The following UNC5C variants were observed in gnomAD, a reference collection of about 807,000 sequenced individuals.
UNC5C encodes netrin receptor UNC5C.
A neutral mutation model predicts 99.8 loss-of-function variants in UNC5C; 47 were observed. That is an observed-to-expected ratio of 0.47 (90% CI 0.37 to 0.60). UNC5C has a LOEUF of 0.60. Among genes scored for constraint, UNC5C ranks in the 20% least tolerant of loss-of-function variants. UNC5C has a pLI of 0.00. For synonymous variants in UNC5C, 487 were observed against 452.2 expected (o/e 1.08, Z -0.98); for missense variants, 1,062 against 1,165.9 (o/e 0.91, Z 1.30).
intron 1 of UNC5C, among the ~76,000 whole-genome samples, chr4:95,424,430 A>G (rs1353593167): frequency 1.3e-5 from 2 of 151,104 alleles, no homozygotes; most frequent in Admixed American, 6.6e-5. Context: ...GAAGTGCTCA[A>G]TTCTCTCAGC....
chr4:95,298,216 G>A (rs1560775372), intron 3 of UNC5C, among the ~76,000 whole-genome samples: 1 of 152,174 alleles, frequency 6.6e-6, no homozygotes, highest in Non-Finnish European at 1.5e-5. Flanking sequence ...GGAGGCTGGG[G>A]TGGTAGAATC....
chr4:95,484,483 TG>T (rs1721268918), intron 1 of UNC5C, among the ~76,000 whole-genome samples: 1 of 150,710 alleles, frequency 6.6e-6, no homozygotes, highest in Non-Finnish European at 1.5e-5. Context: ...TGACTGGTGT[TG>T]GGTGACAACC....
chr4:95,231,169 T>TAC (rs1219209553), intron 7 of UNC5C, among the ~76,000 whole-genome samples: 1 of 152,150 alleles, frequency 6.6e-6, no homozygotes, highest in Non-Finnish European at 1.5e-5. Context: ...ACCTTGTCTT[T>TAC]ACATTAGTAT....
At chr4:95,241,620 T>G (rs1739332972) in intron 7 of UNC5C, among the ~76,000 whole-genome samples, 1 of 152,184 alleles carries the variant, frequency 6.6e-6, no homozygotes, top group South Asian at 2.1e-4. Context: ...TTTTGATCCA[T>G]TAATCTGAAT....
intron 1 of UNC5C, among the ~76,000 whole-genome samples, chr4:95,363,445 A>C (rs1193049771): frequency 1.3e-5 from 2 of 152,218 alleles, no homozygotes; most frequent in East Asian, 3.8e-4. Flanking sequence ...CGTTTACAAC[A>C]GCATACTTTC....
intron 2 of UNC5C, among the ~76,000 whole-genome samples, chr4:95,328,733 T>G (rs1743000316): frequency 6.6e-6 from 1 of 151,316 alleles, no homozygotes; most frequent in Non-Finnish European, 1.5e-5. Flanking sequence ...ACCTGTTGTT[T>G]CCTGACTTTT....
chr4:95,220,700 G>A (rs953032297), intron 7 of UNC5C, among the ~76,000 whole-genome samples: 1 of 152,144 alleles, frequency 6.6e-6, no homozygotes, highest in Non-Finnish European at 1.5e-5. Context: ...AGAGGTGGGT[G>A]GGAATGGTGT....
intron 12 of UNC5C, among the ~76,000 whole-genome samples, chr4:95,198,859 T>C (rs1312218698): frequency 2.0e-5 from 3 of 152,194 alleles, no homozygotes; most frequent in Non-Finnish European, 4.4e-5. Context: ...TAGGAAAGTT[T>C]GTTCTTAGTA....
At chr4:95,219,625 C>T (rs1738392084) in intron 8 of UNC5C, among the ~76,000 whole-genome samples, 1 of 152,018 alleles carries the variant, frequency 6.6e-6, no homozygotes, top group African/African-American at 2.4e-5. Flanking sequence ...CTATGGTTTC[C>T]CTGGTCTATA....
intron 1 of UNC5C, among the ~76,000 whole-genome samples, chr4:95,414,057 ATG>A (rs1234587302): frequency 2.0e-5 from 3 of 152,228 alleles, no homozygotes; most frequent in Non-Finnish European, 4.4e-5. Context: ...GATCAGATGT[ATG>A]TGTTACCCCC....
intron 7 of UNC5C, among the ~76,000 whole-genome samples, chr4:95,240,605 G>A (rs375253955): frequency 7.9e-5 from 12 of 151,638 alleles, no homozygotes; most frequent in Non-Finnish European, 1.3e-4. Flanking sequence ...AACAAGAGAC[G>A]TGATAAAAAT....
chr4:95,534,586 A>G (rs184898597), intron 1 of UNC5C, among the ~76,000 whole-genome samples: 1 of 152,148 alleles, frequency 6.6e-6, no homozygotes, highest in African/African-American at 2.4e-5. Context: ...ACTAGAAAAC[A>G]TTTTCAAGTA....
At chr4:95,354,468 C>CATATATATATATATATATATATAT (rs1553965986) in intron 1 of UNC5C, among the ~76,000 whole-genome samples, 1 of 98,224 alleles carries the variant, frequency 1.0e-5, no homozygotes, top group Non-Finnish European at 1.9e-5. Context: ...CTAACTCTTC[C>CATATATATATATATATATATATAT]ATATATATAT....
At chr4:95,390,286 GT>G (rs1279237731) in intron 1 of UNC5C, among the ~76,000 whole-genome samples, 2 of 151,514 alleles carry the variant, frequency 1.3e-5, no homozygotes, top group African/African-American at 2.4e-5. Context: ...TGCAAGGGAT[GT>G]TTCCATTTAT....
intron 4 of UNC5C, among the ~76,000 whole-genome samples, chr4:95,268,849 T>C (rs961799677): frequency 1.3e-5 from 2 of 152,206 alleles, no homozygotes; most frequent in Non-Finnish European, 2.9e-5. Context: ...GAAAATGATA[T>C]AGCAGAGTTG....
intron 1 of UNC5C, among the ~76,000 whole-genome samples, chr4:95,506,391 C>A (rs1721922787): frequency 6.6e-6 from 1 of 152,062 alleles, no homozygotes; most frequent in East Asian, 1.9e-4. Context: ...ACAGCACATT[C>A]CAGTCAAAAT....
chr4:95,392,610 C>CTT (rs138389401), intron 1 of UNC5C, among the ~76,000 whole-genome samples: 8 of 147,462 alleles, frequency 5.4e-5, no homozygotes, highest in Non-Finnish European at 9.0e-5. Context: ...GTTTTTAAAA[C>CTT]TTTTTTTTTT....
chr4:95,488,837 T>G (rs1721400121), intron 1 of UNC5C, among the ~76,000 whole-genome samples: 1 of 151,700 alleles, frequency 6.6e-6, no homozygotes, highest in South Asian at 2.1e-4. Flanking sequence ...AAAAATAATG[T>G]TAGATAAAGT....
chr4:95,308,190 T>C (rs186486754), intron 2 of UNC5C, among the ~76,000 whole-genome samples: 27 of 152,276 alleles, frequency 1.8e-4, no homozygotes, highest in African/African-American at 6.5e-4. Flanking sequence ...TGATGTGCTG[T>C]TACATTTGGA....
Sources: gnomAD v4.1 joint callset for allele counts (sites outside exome capture counted in the v4.1 genomes callset) on GRCh38, gnomAD v4.1.1 for gene constraint, MANE v1.5 for transcripts, NCBI Gene and HGNC (gene_info 2026-07-23, HGNC 2026-07-21) for gene names.